Variants in SMARCA2 observed in about 807,000 individuals in gnomAD.
SMARCA2 encodes the protein SWI/SNF related BAF chromatin remodeling complex subunit ATPase 2.
A neutral mutation model predicts 199.8 loss-of-function variants in SMARCA2; 61 were observed. The ratio of observed to expected loss-of-function variants is 0.31; its 90% CI spans 0.25 to 0.38. SMARCA2 has a LOEUF of 0.38. SMARCA2 is among the 10% of genes least tolerant of loss of function. The probability of loss-of-function intolerance (pLI) is 1.00; values close to 1 mark genes in which losing one functional copy is unlikely to be tolerated. For missense variants in SMARCA2, 1,344 were observed against 2,012.2 expected, an observed-to-expected ratio of 0.67 and a Z score of 6.35; for synonymous variants, 935 against 732.0, an observed-to-expected ratio of 1.28 and a Z score of -4.48.
chr9:2,157,462 A>G (rs1412999811), intron 27 of SMARCA2, among the ~76,000 whole-genome samples: 3 of 152,188 alleles, frequency 2.0e-5, no homozygotes, highest in Non-Finnish European at 4.4e-5. Context: ...GAATCCAACT[A>G]GAGTTCCTAA....
At chr9:2,071,410 G>A (rs1327383724) in intron 10 of SMARCA2, among the ~76,000 whole-genome samples, 2 of 152,178 alleles carry the variant, frequency 1.3e-5, no homozygotes, top group African/African-American at 2.4e-5. Context: ...ATATATTAGA[G>A]CACTTAGAAA....
At chr9:2,157,122 C>G (rs181203351) in intron 27 of SMARCA2, among the ~76,000 whole-genome samples, 2 of 152,276 alleles carry the variant, frequency 1.3e-5, no homozygotes, top group South Asian at 2.1e-4. Flanking sequence ...TCTTTGAGGA[C>G]GAGCTCTATG....
chr9:2,030,332 G>C (rs1180654180), intron 2 of SMARCA2, among the ~76,000 whole-genome samples: 1 of 152,114 alleles, frequency 6.6e-6, no homozygotes, highest in South Asian at 2.1e-4. Flanking sequence ...TACAGGCTCA[G>C]ACCTGAGCCT....
Position 2,087,089 on chromosome 9 carries a change from G to A in SMARCA2, c.2769+18G>A. ...GTGAAAGGGTACTGGTCTGAGTTCT[G>A]TTTTTTCCACTGCATGATAATGACA... On this transcript the variant is annotated intron_variant, in intron 18 of 33. Coordinates refer to ENST00000349721, the MANE Select transcript of SMARCA2 (RefSeq NM_003070.5). 13 of 1,613,670 alleles carry A rather than the reference G, an allele frequency of 8.1e-6. No individual in the cohort carries two copies. Among genetic ancestry groups the A allele is most frequent in the Non-Finnish European group, 1.1e-5 (13 of 1,179,698 alleles).
At chr9:2,149,213 G>C (rs540052290) in intron 27 of SMARCA2, among the ~76,000 whole-genome samples, 1 of 151,176 alleles carries the variant, frequency 6.6e-6, no homozygotes. Context: ...GAAAATGAGA[G>C]AGATGCAAAA....
intron 27 of SMARCA2, among the ~76,000 whole-genome samples, chr9:2,152,167 C>T (rs986911095): frequency 6.6e-6 from 1 of 152,152 alleles, no homozygotes. Flanking sequence ...AATTTCACCC[C>T]GAATCCCAAG....
chr9:2,129,079 C>A (rs6475512), intron 27 of SMARCA2, among the ~76,000 whole-genome samples: 44,077 of 152,062 alleles, frequency 0.29, 11,663 homozygotes, highest in African/African-American at 0.7. Flanking sequence ...AGAACTCAGG[C>A]AAGTGCCATT....
In SMARCA2 at chr9:2,191,308, A is replaced by T; in HGVS notation, c.4637A>T (p.Asp1546Val). ...KVKIKLNKKD[D>V]KGRDKGKGKK... The stretch of plus-strand genomic sequence containing the variant: ...AAAATTAAGCTCAATAAAAAAGATG[A>T]CAAAGGCCGGGACAAAGGGAAAGGC... Residue 1546 changes from aspartate (D) to valine (V), a missense_variant, in exon 33 of 34, where the codon GAC (aspartate) becomes GTC (valine). Transcript: ENST00000349721. 3 of 1,614,136 alleles carry T rather than the reference A, an allele frequency of 1.9e-6. No individual in the cohort carries two copies. Among genetic ancestry groups the T allele is most frequent in the Non-Finnish European group, 2.5e-6 (3 of 1,179,982 alleles).
In SMARCA2 at chr9:2,161,595, A is replaced by G. The variant is rs745362718; in HGVS notation, c.3982-91A>G. On this transcript the variant is annotated intron_variant, in intron 27 of 33. Coordinates refer to ENST00000349721, the MANE Select transcript of SMARCA2 (RefSeq NM_003070.5). The surrounding 1 kb of genome is among the most constrained non-coding windows in gnomAD (Gnocchi z 4.7). ...GGTTAATTTCTTTCATTTTATTCTAATTGTTGGAGCTATATATAAATATAC... is the reference window on the plus strand; with the variant it reads ...GGTTAATTTCTTTCATTTTATTCTAGTTGTTGGAGCTATATATAAATATAC... The G allele has an allele frequency of 1.6e-5, 13 of 827,720 alleles. No homozygotes were observed. The Admixed American group carries it at 2.9e-4, about 18-fold the overall frequency. The allele number at this position is 827,720 out of a possible 1,614,324, so 51.3% of individuals were successfully genotyped here.
intron 21 of SMARCA2, 57 bp downstream of exon 21, chr9:2,097,528 A>T (rs1822321332): frequency 1.0e-6 from 1 of 978,338 alleles, no homozygotes; most frequent in East Asian, 2.5e-5. Flanking sequence ...AATGCTAGTT[A>T]AAAAAAAACA....
In SMARCA2 at chr9:2,020,257, GT is replaced by G. The variant is rs546920891; in HGVS notation, c.-37+4862del. On this transcript the variant is annotated intron_variant, in intron 1 of 33. Coordinates refer to ENST00000349721, the MANE Select transcript of SMARCA2 (RefSeq NM_003070.5). ...ATGTAAAAGAATTATCTTCTAAATT[GT>G]TTTTTTTTCCCCCTTAAATATTGTG... 7.9e-3 allele frequency among the ~76,000 whole-genome samples: 1,198 copies of G among 150,876 alleles called. 5 individuals are homozygous for G. Among genetic ancestry groups the G allele is most frequent in the Middle Eastern group, 0.031 (9 of 292 alleles).
intron 27 of SMARCA2, among the ~76,000 whole-genome samples, chr9:2,149,801 C>T (rs1586757500): frequency 6.6e-6 from 1 of 151,434 alleles, no homozygotes; most frequent in African/African-American, 2.4e-5. Flanking sequence ...TTGTCTTTGC[C>T]ACATATATGT....
chr9:2,163,839 G>T (rs569293467), intron 28 of SMARCA2, among the ~76,000 whole-genome samples: 42 of 152,242 alleles, frequency 2.8e-4, no homozygotes, highest in Middle Eastern at 6.8e-3. Context: ...TGACATAAAA[G>T]AAGTCACCAA....
chr9:2,181,474 A>G, intron 29 of SMARCA2, 97 bp from the exon 30 acceptor site: 2 of 713,318 alleles, frequency 2.8e-6, no homozygotes, highest in Admixed American at 2.3e-5. Context: ...TGCGTGGAAT[A>G]TAATTTACTT....
chr9:2,094,620 T>G (rs997855822), intron 19 of SMARCA2, among the ~76,000 whole-genome samples: 1 of 152,112 alleles, frequency 6.6e-6, no homozygotes, highest in Non-Finnish European at 1.5e-5. Flanking sequence ...CTTAAAAGAG[T>G]GGATTCTATT....
chr9:2,088,447 A>G, intron 18 of SMARCA2, 53 bp from the exon 19 acceptor site: 4 of 1,539,436 alleles, frequency 2.6e-6, no homozygotes, highest in Non-Finnish European at 3.5e-6. Flanking sequence ...GCTTTATTGT[A>G]TGAAACATCC....
intron 27 of SMARCA2, among the ~76,000 whole-genome samples, chr9:2,131,955 A>C (rs1037354279): frequency 6.6e-6 from 1 of 150,648 alleles, no homozygotes; most frequent in South Asian, 2.1e-4. Context: ...AAAAAAAAGG[A>C]AAAAAAAATG....
At chr9:2,177,499 G>T (rs546482714) in intron 29 of SMARCA2, among the ~76,000 whole-genome samples, 10 of 151,590 alleles carry the variant, frequency 6.6e-5, no homozygotes, top group Non-Finnish European at 1.3e-4. Flanking sequence ...ATCAATTTTC[G>T]CCTGGTCCTG....
At chr9:2,137,801 G>T (rs1824273175) in intron 27 of SMARCA2, among the ~76,000 whole-genome samples, 1 of 152,168 alleles carries the variant, frequency 6.6e-6, no homozygotes, top group Non-Finnish European at 1.5e-5. Flanking sequence ...AATATACTAG[G>T]CAGAAATGAG....
Sources: gnomAD v4.1 joint callset for allele counts (sites outside exome capture counted in the v4.1 genomes callset) on GRCh38, gnomAD v4.1.1 for gene constraint, Gnocchi (gnomAD v3.1) non-coding constraint, MANE v1.5 for transcripts, NCBI Gene and HGNC (gene_info 2026-07-23, HGNC 2026-07-21) for gene names.